UGT2B4: variants seen among roughly 807,000 people sequenced by gnomAD.
The protein encoded by UGT2B4 is UDP glucuronosyltransferase family 2 member B4.
In UGT2B4, 49 loss-of-function variants were observed where a neutral mutation model predicts 49.8. The observed-to-expected ratio is 0.98, with a 90% CI of 0.78 to 1.25. The LOEUF (loss-of-function observed/expected upper bound fraction) is 1.25, where lower values mean the gene tolerates loss of function less well. Ranked by LOEUF, UGT2B4 falls within the 50% of genes most tolerant of loss-of-function variation. The probability of loss-of-function intolerance (pLI) is 0.00; values close to 1 mark genes in which losing one functional copy is unlikely to be tolerated. For missense variants in UGT2B4, 729 were observed against 627.7 expected, an observed-to-expected ratio of 1.16 and a Z score of -1.73; for synonymous variants, 246 against 217.7, an observed-to-expected ratio of 1.13 and a Z score of -1.14.
At chr4:69,514,770 C>A (rs567199073) in intron 1 of UGT2B4, among the ~76,000 whole-genome samples, 1 of 152,180 alleles carries the variant, frequency 6.6e-6, no homozygotes, top group South Asian at 2.1e-4. Flanking sequence ...TATTGATTTG[C>A]ATATGTTGAA....
intron 1 of UGT2B4, among the ~76,000 whole-genome samples, chr4:69,523,241 G>A (rs1443685323): frequency 7.2e-5 from 11 of 151,796 alleles, no homozygotes; most frequent in Admixed American, 2.0e-4. Flanking sequence ...TTTACAGAAC[G>A]TTTTCAATTT....
intron 2 of UGT2B4, 125 bp downstream of exon 2, chr4:69,493,568 A>C: frequency 8.5e-7 from 1 of 1,176,428 alleles, no homozygotes; most frequent in Non-Finnish European, 1.1e-6. Context: ...GTCAGTTTCT[A>C]ATTGGTATCT....
chr4:69,487,678 A>T lies in UGT2B4; in HGVS notation c.1003-982T>A, dbSNP rs150001748. ...CTACCTGTAAGATGAAACAGTCCAT[A>T]CAACAAACCCCAAGACATAAGTTTA... On this transcript the variant is annotated intron_variant, in intron 3 of 5. Coordinates refer to ENST00000305107, the MANE Select transcript of UGT2B4 (RefSeq NM_021139.3). Among the ~76,000 whole-genome samples, 86 of 152,276 alleles carry T rather than the reference A, an allele frequency of 5.6e-4. 3 individuals are homozygous for T. The East Asian group carries it at 0.015, about 27-fold the overall frequency.
In UGT2B4 at chr4:69,502,849, C is replaced by T. The variant is rs181118424; in HGVS notation, c.-105-6883G>A. Among the ~76,000 whole-genome samples the T allele has an allele frequency of 2.5e-3, 385 of 152,268 alleles. 1 individual carries two copies. The highest frequency in any genetic ancestry group is 8.9e-3 in the African/African-American group (369 of 41,546). ...CTCCAGTTGGTTCAGGAAGAGGAGG[C>T]CTGACCATCCCCCATGGATCCCACA... On this transcript the variant is annotated intron_variant, in intron 1 of 1. Coordinates refer to the UGT2B4 transcript ENST00000510114.
At chr4:69,500,662 A>G (rs867805629), upstream of UGT2B4, among the ~76,000 whole-genome samples, 11 of 115,380 alleles carry the variant, frequency 9.5e-5, no homozygotes, top group East Asian at 6.4e-4. Flanking sequence ...AGAAAGAAAG[A>G]AAGAAAGGAA....
chr4:69,507,665 A>G (rs1424876074), intron 1 of UGT2B4, among the ~76,000 whole-genome samples: 8 of 152,106 alleles, frequency 5.3e-5, no homozygotes, highest in Admixed American at 2.0e-4. Flanking sequence ...TATGTAGAAC[A>G]CTAGAACTGG....
chr4:69,513,217 G>A (rs1728650447), intron 1 of UGT2B4, among the ~76,000 whole-genome samples: 1 of 152,120 alleles, frequency 6.6e-6, no homozygotes, highest in African/African-American at 2.4e-5. Flanking sequence ...GCAGTTTGGG[G>A]TTTTACATTT....
rs184939814 is a variant in UGT2B4, at chr4:69,506,191, C to T, written c.-105-10225G>A. Among the ~76,000 whole-genome samples the T allele has an allele frequency of 1.2e-4, 18 of 151,900 alleles. 1 individual carries two copies. Among genetic ancestry groups the T allele is most frequent in the African/African-American group, 3.9e-4 (16 of 41,434 alleles). The stretch of plus-strand genomic sequence containing the variant: ...CAGAGAACCAAGAGCAAAAAAAATT[C>T]CAAAGCTAGCAGAAGCAAGAAATAA... On this transcript the variant is annotated intron_variant, in intron 1 of 1. Coordinates refer to the UGT2B4 transcript ENST00000510114.
intron 1 of UGT2B4, among the ~76,000 whole-genome samples, chr4:69,502,097 CTTTCTTTCTT>C (rs1728337700): frequency 1.1e-5 from 1 of 94,924 alleles, no homozygotes; most frequent in Admixed American, 1.1e-4. Context: ...CTCTCTCTTT[CTTTCTTTCTT>C]TCTTTCTTTC....
At chr4:69,498,754 T>G (rs1728228521), upstream of UGT2B4, among the ~76,000 whole-genome samples, 1 of 152,160 alleles carries the variant, frequency 6.6e-6, no homozygotes, top group Admixed American at 6.6e-5. Context: ...TTGATTCTTC[T>G]CTCTTTTCCT....
intron 2 of UGT2B4, among the ~76,000 whole-genome samples, chr4:69,493,028 G>T (rs1425576885): frequency 6.6e-6 from 1 of 152,072 alleles, no homozygotes; most frequent in Admixed American, 6.6e-5. Context: ...CTCCTGAGGA[G>T]TATCTGGCTC....
chr4:69,493,034 G>A (rs958070878), intron 2 of UGT2B4, among the ~76,000 whole-genome samples: 4 of 152,168 alleles, frequency 2.6e-5, no homozygotes, highest in African/African-American at 9.6e-5. Context: ...AGGAGTATCT[G>A]GCTCTTATCT....
At chr4:69,489,708 T>C in intron 2 of UGT2B4, 138 bp from the exon 3 acceptor site, 1 of 1,286,200 alleles carries the variant, frequency 7.8e-7, no homozygotes, top group Non-Finnish European at 1.0e-6. Flanking sequence ...ACTGACTCAA[T>C]TACTCAGTTT....
chr4:69,481,451 T>G (rs1243367500), intron 5 of UGT2B4, among the ~76,000 whole-genome samples: 2 of 152,188 alleles, frequency 1.3e-5, no homozygotes, highest in African/African-American at 4.8e-5. Context: ...ATTTTTAAAG[T>G]AACAATGGAG....
chr4:69,480,548 A>T lies in UGT2B4; in HGVS notation c.*86T>A. 1.3e-5 allele frequency: 20 copies of T among 1,511,388 alleles called. No homozygotes were observed. The highest frequency in any genetic ancestry group is 1.8e-5 in the Non-Finnish European group (20 of 1,128,566). The allele number at this position is 1,511,388 out of a possible 1,614,324, so 93.6% of individuals were successfully genotyped here. A position where few individuals can be genotyped will look rare whatever the true frequency, so the allele number is the denominator to read the frequency against. ...AGATGTTTTGTCACAAGAAGAAAGGAATCTCTTGTATCACAACGTCTTCTT... is the reference window on the plus strand; with the variant it reads ...AGATGTTTTGTCACAAGAAGAAAGGTATCTCTTGTATCACAACGTCTTCTT... On this transcript the variant is annotated 3_prime_UTR_variant, in exon 6 of 6. Transcript: ENST00000305107.
At chr4:69,519,909 C>T (rs1024274518) in intron 1 of UGT2B4, among the ~76,000 whole-genome samples, 2 of 152,166 alleles carry the variant, frequency 1.3e-5, no homozygotes, top group South Asian at 2.1e-4. Context: ...CTCTGTCCCA[C>T]TCTCACAAAA....
At chr4:69,520,537 G>C (rs1406725820) in intron 1 of UGT2B4, among the ~76,000 whole-genome samples, 1 of 152,250 alleles carries the variant, frequency 6.6e-6, no homozygotes, top group Non-Finnish European at 1.5e-5. Flanking sequence ...AAGCTCAGAA[G>C]TGCCAGCTCC....
chr4:69,522,057 T>C (rs1207381656), intron 1 of UGT2B4, among the ~76,000 whole-genome samples: 1 of 152,194 alleles, frequency 6.6e-6, no homozygotes, highest in African/African-American at 2.4e-5. Flanking sequence ...GAAAACATCA[T>C]TGGTTGGTGA....
chr4:69,494,471 T>G (rs1324559875), intron 1 of UGT2B4, among the ~76,000 whole-genome samples: 1 of 152,172 alleles, frequency 6.6e-6, no homozygotes, highest in Non-Finnish European at 1.5e-5. Context: ...TTGGCTCATA[T>G]TTTTAAAGAA....
Sources: gnomAD v4.1 joint callset for allele counts (sites outside exome capture counted in the v4.1 genomes callset) on GRCh38, gnomAD v4.1.1 for gene constraint, MANE v1.5 for transcripts, NCBI Gene and HGNC (gene_info 2026-07-23, HGNC 2026-07-21) for gene names.